The following MBD5 variants were observed in gnomAD, a reference collection of about 807,000 sequenced individuals.
The protein encoded by MBD5 is methyl-CpG-binding domain protein 5.
A neutral mutation model predicts 117.3 loss-of-function variants in MBD5; 13 were observed. The ratio of observed to expected loss-of-function variants is 0.11; its 90% CI spans 0.07 to 0.18. The LOEUF (loss-of-function observed/expected upper bound fraction) is 0.18. MBD5 is among the 10% of genes least tolerant of loss of function. The pLI, the probability that MBD5 is intolerant of heterozygous loss-of-function variation, is 1.00. For missense variants in MBD5, 1,879 were observed against 2,093.8 expected (o/e 0.90, Z 2.00); for synonymous variants, 727 against 766.4 (o/e 0.95, Z 0.85).
intron 1 of MBD5, among the ~76,000 whole-genome samples, chr2:148,156,743 G>A (rs1186263083): frequency 2.6e-5 from 4 of 152,122 alleles, no homozygotes; most frequent in African/African-American, 9.7e-5. Flanking sequence ...TAGAAGGCTT[G>A]GTTAATTTTG....
intron 1 of MBD5, among the ~76,000 whole-genome samples, chr2:148,035,867 A>T (rs936842108): frequency 5.3e-5 from 8 of 152,140 alleles, no homozygotes; most frequent in Admixed American, 5.2e-4. Flanking sequence ...AATGCTTTAG[A>T]TATATACAAT....
At chr2:148,210,358 T>G (rs533654066) in intron 2 of MBD5, among the ~76,000 whole-genome samples, 11 of 152,212 alleles carry the variant, frequency 7.2e-5, no homozygotes, top group African/African-American at 2.4e-4. Context: ...TCTTTTTTTT[T>G]GAATACCTCA....
At chr2:148,035,321 CTATTAA>C (rs1250488552) in intron 1 of MBD5, among the ~76,000 whole-genome samples, 1 of 151,766 alleles carries the variant, frequency 6.6e-6, no homozygotes, top group East Asian at 1.9e-4. Context: ...AATTATATTA[CTATTAA>C]TAACTGTTCT....
intron 1 of MBD5, among the ~76,000 whole-genome samples, chr2:148,067,023 A>T (rs553482567): frequency 8.5e-4 from 130 of 152,348 alleles, no homozygotes; most frequent in Non-Finnish European, 1.6e-3. Flanking sequence ...AGCATGGCAC[A>T]TAGAGATATT....
chr2:148,485,787 C>T lies in MBD5; in HGVS notation c.3590C>T (p.Thr1197Ile), dbSNP rs750939401. 3 of 1,613,972 alleles carry T rather than the reference C, an allele frequency of 1.9e-6. No individual in the cohort carries two copies. Among genetic ancestry groups the T allele is most frequent in the Admixed American group, 3.3e-5 (2 of 60,004 alleles). The change falls in exon 10 of 14, where the codon ACT (threonine) becomes ATT (isoleucine). Residue 1197 changes from threonine to isoleucine, a missense_variant. Around this residue, in one of 4 missense-constraint regions of MBD5, gnomAD observed 1,666 missense variants for 1,792.2 expected, o/e 0.93. Coordinates refer to ENST00000642680, the MANE Select transcript of MBD5 (RefSeq NM_001378120.1). ...INNTLSNHQL[T>I]HLQSLLNNNQ... ...AATACTTTGAGTAACCATCAACTGA[C>T]TCATCTACAGTCGCTGTTAAACAAC...
rs556444165 is a variant in MBD5, at chr2:148,121,481, A to G, written c.-924-57219A>G. Among the ~76,000 whole-genome samples the G allele has an allele frequency of 2.4e-4, 36 of 152,112 alleles. 1 individual carries two copies. Among genetic ancestry groups the G allele is most frequent in the African/African-American group, 7.9e-4 (33 of 41,542 alleles). On this transcript the variant is annotated intron_variant, in intron 1 of 13. Coordinates refer to ENST00000642680, the MANE Select transcript of MBD5 (RefSeq NM_001378120.1). ...TATTCAAGCAAACTTCTCTATGGCT[A>G]TATATCTAGCACCTACAAAAGCAGG...
chr2:148,258,086 T>C (rs2167881), intron 3 of MBD5, among the ~76,000 whole-genome samples: 144,041 of 152,186 alleles, frequency 0.95, 68,646 homozygotes, highest in East Asian at 1. Flanking sequence ...TATGTCCATC[T>C]GGCAAGCAGT....
chr2:148,294,207 T>G (rs199820044), intron 3 of MBD5, among the ~76,000 whole-genome samples: 536 of 1,882 alleles, frequency 0.28, 23 homozygotes, highest in Middle Eastern at 0.5. Context: ...TTTTTTTTTT[T>G]TTTTTTTTTT....
At chr2:148,101,758 T>C (rs986666664) in intron 1 of MBD5, among the ~76,000 whole-genome samples, 4 of 152,116 alleles carry the variant, frequency 2.6e-5, no homozygotes, top group African/African-American at 9.7e-5. Flanking sequence ...ACTAGAAAAA[T>C]TGTGTTCTCT....
chr2:148,055,160 T>C (rs1162071705), intron 1 of MBD5: 1 of 152,198 alleles, frequency 6.6e-6, no homozygotes, highest in East Asian at 1.9e-4. Flanking sequence ...ATTTGTGTTG[T>C]CTTTGATAAA....
intron 1 of MBD5, among the ~76,000 whole-genome samples, chr2:148,098,534 A>T (rs1558924684): frequency 6.6e-6 from 1 of 152,082 alleles, no homozygotes; most frequent in Non-Finnish European, 1.5e-5. Context: ...AGGGTGTATG[A>T]CGGAGCCCGG....
chr2:148,326,284 G>A (rs1367367816), intron 3 of MBD5, among the ~76,000 whole-genome samples: 1 of 152,098 alleles, frequency 6.6e-6, no homozygotes, highest in Non-Finnish European at 1.5e-5. Context: ...AATAGGTGTG[G>A]TGTGGTGCTG....
At position 148,483,645 on chromosome 2, in the gene MBD5, G is replaced by T; in HGVS notation, c.3054G>T (p.Gln1018His). The T allele has an allele frequency of 3.9e-6, 6 of 1,551,086 alleles. No homozygotes were observed. Among genetic ancestry groups the T allele is most frequent in the Non-Finnish European group, 5.2e-6 (6 of 1,147,130 alleles). ...TGACCATCTCAGATCTTTTGCAACA[G>T]CAAAATACCCCTTTACCCTCATTAA... ...FNLTISDLLQQQNTPLPSLTQ... is the reference protein window; with the variant it reads ...FNLTISDLLQHQNTPLPSLTQ... The change falls in exon 9 of 14, where the codon CAG (glutamine) becomes CAT (histidine). Residue 1018 changes from glutamine to histidine, a missense_variant. This residue lies in a region of MBD5 where 1,666 missense variants were observed against 1,792.2 expected (regional missense o/e 0.93). Coordinates refer to ENST00000642680, the MANE Select transcript of MBD5 (RefSeq NM_001378120.1).
intron 3 of MBD5, among the ~76,000 whole-genome samples, chr2:148,338,121 A>G (rs929452519): frequency 6.6e-6 from 1 of 152,170 alleles, no homozygotes; most frequent in African/African-American, 2.4e-5. Context: ...ATTACACTGA[A>G]TAGATATTTA....
rs541133456 is a variant in MBD5 at position 148,066,239 on chromosome 2, G to A, written c.-925+44555G>A. Reference sequence around the variant, plus strand: ...GAGGATCCCTTGAGCCCAGGAGGCGGAGGTTGTAGTGAGCTGAGATCACAC... The same window carrying A: ...GAGGATCCCTTGAGCCCAGGAGGCGAAGGTTGTAGTGAGCTGAGATCACAC... On this transcript the variant is annotated intron_variant, in intron 1 of 13. Coordinates refer to ENST00000642680, the MANE Select transcript of MBD5 (RefSeq NM_001378120.1). Among the ~76,000 whole-genome samples the A allele has an allele frequency of 2.0e-5, 3 of 152,250 alleles. No homozygotes were observed. The South Asian group carries it at 6.2e-4, about 32-fold the overall frequency.
chr2:148,241,573 C>T (rs139087234), intron 3 of MBD5, among the ~76,000 whole-genome samples: 182 of 152,190 alleles, frequency 1.2e-3, no homozygotes, highest in African/African-American at 3.9e-3. Flanking sequence ...ATTGTAACTC[C>T]TGCTTTGTAT....
intron 1 of MBD5, among the ~76,000 whole-genome samples, chr2:148,064,121 C>CTTTTTTT (rs200434229): frequency 4.6e-4 from 58 of 126,178 alleles, no homozygotes; most frequent in African/African-American, 1.1e-3. Flanking sequence ...CACCAGCTGT[C>CTTTTTTT]TTTTTTCTTT....
intron 1 of MBD5, among the ~76,000 whole-genome samples, chr2:148,126,793 A>C (rs1696907445): frequency 6.6e-6 from 1 of 152,130 alleles, no homozygotes; most frequent in African/African-American, 2.4e-5. Flanking sequence ...TATGTACAAC[A>C]CACTGCTTAC....
rs546712956 is a variant in MBD5 at position 148,335,388 on chromosome 2, T to G, written c.-679-6826T>G. On this transcript the variant is annotated intron_variant, in intron 3 of 13. Coordinates refer to ENST00000642680, the MANE Select transcript of MBD5 (RefSeq NM_001378120.1). ...AGAGCAAGACCCTGTCTCAGAACAT[T>G]AATTAATTAATTTTAAAAGCTAGGC... Among the ~76,000 whole-genome samples the G allele has an allele frequency of 5.9e-5, 9 of 151,694 alleles. No individual in the cohort carries two copies. The South Asian group carries it at 8.4e-4, about 14-fold the overall frequency.
Sources: allele counts gnomAD v4.1 joint callset (sites outside exome capture counted in the v4.1 genomes callset), GRCh38; gene constraint gnomAD v4.1.1; regional missense constraint gnomAD v4.1.1; transcripts MANE v1.5; gene names NCBI Gene and HGNC (gene_info 2026-07-23, HGNC 2026-07-21).